Variants in SUCLG2 observed in about 807,000 individuals in gnomAD.
SUCLG2 encodes succinate--CoA ligase [GDP-forming] subunit beta, mitochondrial.
In SUCLG2, 42 loss-of-function variants were observed where a neutral mutation model predicts 47.9. That is an observed-to-expected ratio of 0.88 (90% CI 0.69 to 1.14). The LOEUF (loss-of-function observed/expected upper bound fraction) is 1.14, where lower values mean the gene tolerates loss of function less well. Among genes scored for constraint, SUCLG2 ranks in the 50% most tolerant of loss-of-function variants. SUCLG2 has a pLI of 0.00. For synonymous variants in SUCLG2, 195 were observed against 197.3 expected (o/e 0.99, Z 0.10); for missense variants, 571 against 525.9 (o/e 1.09, Z -0.84).
chr3:67,649,547 T>TGCA (rs138447649), intron 1 of SUCLG2, among the ~76,000 whole-genome samples: 1 of 151,714 alleles, frequency 6.6e-6, no homozygotes, highest in Admixed American at 6.6e-5. Flanking sequence ...ACTTCTGCTA[T>TGCA]CCACCTCTCC....
chr3:67,427,953 C>T (rs1037119467), intron 9 of SUCLG2, among the ~76,000 whole-genome samples: 13 of 152,168 alleles, frequency 8.5e-5, no homozygotes, highest in African/African-American at 2.2e-4. Flanking sequence ...AGTAGGTAAA[C>T]GAAGCAGCCA....
intron 9 of SUCLG2, among the ~76,000 whole-genome samples, chr3:67,459,098 A>T (rs1704261287): frequency 6.6e-6 from 1 of 152,022 alleles, no homozygotes; most frequent in Admixed American, 6.5e-5. Context: ...CCTGCCTCTG[A>T]TCTTGGTGAC....
chr3:67,553,843 T>G (rs563079948), intron 2 of SUCLG2, among the ~76,000 whole-genome samples: 3 of 152,332 alleles, frequency 2.0e-5, no homozygotes, highest in African/African-American at 7.2e-5. Flanking sequence ...AATATCTACT[T>G]TGTCAGTTAC....
chr3:67,462,839 G>C (rs1327107376), intron 9 of SUCLG2, among the ~76,000 whole-genome samples: 1 of 152,184 alleles, frequency 6.6e-6, no homozygotes, highest in Non-Finnish European at 1.5e-5. Context: ...CAACCTGTGG[G>C]ATCTGAGATT....
At position 67,645,735 on chromosome 3, in the gene SUCLG2, C is replaced by T. The variant is rs1199429261; in HGVS notation, c.84+8768G>A. On this transcript the variant is annotated intron_variant, in intron 1 of 10. Transcript: ENST00000307227. Reference sequence around the variant, plus strand: ...ATTCATAACTCTCCACTTTCTATTACTTATTAAAGGCCCACGTAAGCCCTC... The same window carrying T: ...ATTCATAACTCTCCACTTTCTATTATTTATTAAAGGCCCACGTAAGCCCTC... Among the ~76,000 whole-genome samples the T allele has an allele frequency of 2.0e-5, 3 of 151,862 alleles. No homozygotes were observed. In the East Asian group the frequency reaches 5.9e-4, roughly 30 times the overall value.
intron 10 of SUCLG2, among the ~76,000 whole-genome samples, chr3:67,376,918 C>G (rs182650875): frequency 6.6e-6 from 1 of 152,316 alleles, no homozygotes; most frequent in African/African-American, 2.4e-5. Context: ...TACCTAAAAT[C>G]TCCATGCTGG....
At chr3:67,625,651 T>C (rs914732928) in intron 1 of SUCLG2, among the ~76,000 whole-genome samples, 2 of 152,178 alleles carry the variant, frequency 1.3e-5, no homozygotes, top group South Asian at 2.1e-4. Context: ...ACATGAAAGC[T>C]ACTCACCTTC....
chr3:67,405,823 G>A (rs564851801), intron 9 of SUCLG2, among the ~76,000 whole-genome samples: 15 of 152,096 alleles, frequency 9.9e-5, no homozygotes, highest in Non-Finnish European at 1.9e-4. Flanking sequence ...CATAATTAAC[G>A]TTACTAAAGC....
intron 1 of SUCLG2, among the ~76,000 whole-genome samples, chr3:67,638,972 T>C (rs1318403470): frequency 6.6e-6 from 1 of 151,598 alleles, no homozygotes; most frequent in African/African-American, 2.4e-5. Flanking sequence ...TTTAAGAAAA[T>C]AAGAAAAAAA....
intron 9 of SUCLG2, among the ~76,000 whole-genome samples, chr3:67,418,385 A>G (rs1703081325): frequency 6.6e-6 from 1 of 152,142 alleles, no homozygotes; most frequent in Non-Finnish European, 1.5e-5. Flanking sequence ...AGGAAAACTG[A>G]GGCTCAGAAA....
At chr3:67,365,814 G>A (rs1288544007) in intron 10 of SUCLG2, among the ~76,000 whole-genome samples, 2 of 152,146 alleles carry the variant, frequency 1.3e-5, no homozygotes, top group East Asian at 3.9e-4. Flanking sequence ...CTTAAATGGA[G>A]CGGACTAGCA....
intron 9 of SUCLG2, among the ~76,000 whole-genome samples, chr3:67,473,100 TGAAAA>T (rs948445432): frequency 2.0e-5 from 3 of 152,288 alleles, no homozygotes; most frequent in African/African-American, 7.2e-5. Context: ...TATACAGAAA[TGAAAA>T]GAAAATACTG....
intron 9 of SUCLG2, among the ~76,000 whole-genome samples, chr3:67,465,475 G>A (rs1021681618): frequency 1.3e-5 from 2 of 152,176 alleles, no homozygotes; most frequent in Non-Finnish European, 2.9e-5. Context: ...CCTCCTCAGA[G>A]AATCCCTCTC....
At chr3:67,547,008 T>G (rs1706883994) in intron 2 of SUCLG2, among the ~76,000 whole-genome samples, 1 of 152,168 alleles carries the variant, frequency 6.6e-6, no homozygotes, top group Admixed American at 6.5e-5. Context: ...TGGCTAATGT[T>G]TTTTCTATAC....
intron 2 of SUCLG2, among the ~76,000 whole-genome samples, chr3:67,576,339 T>C (rs910145304): frequency 2.0e-5 from 3 of 152,272 alleles, no homozygotes; most frequent in South Asian, 2.1e-4. Flanking sequence ...ATGGTAGGAT[T>C]TGTATAAAGC....
At chr3:67,380,558 T>G (rs1702134737) in intron 10 of SUCLG2, among the ~76,000 whole-genome samples, 1 of 152,212 alleles carries the variant, frequency 6.6e-6, no homozygotes, top group Non-Finnish European at 1.5e-5. Flanking sequence ...ATACTAGGCA[T>G]GCTCAGAACT....
At chr3:67,595,419 A>T (rs149030921) in intron 2 of SUCLG2, among the ~76,000 whole-genome samples, 22 of 152,282 alleles carry the variant, frequency 1.4e-4, no homozygotes, top group African/African-American at 5.1e-4. Flanking sequence ...GGGAAGACAC[A>T]GAACGTCAGC....
intron 1 of SUCLG2, among the ~76,000 whole-genome samples, chr3:67,650,267 T>C (rs1374905648): frequency 2.6e-5 from 4 of 152,268 alleles, no homozygotes; most frequent in Non-Finnish European, 5.9e-5. Flanking sequence ...CCTTTAGTCC[T>C]TCACTTACAA....
chr3:67,593,978 A>AT (rs1708235361), intron 2 of SUCLG2, among the ~76,000 whole-genome samples: 1 of 152,208 alleles, frequency 6.6e-6, no homozygotes. Context: ...AGCTTGAAAC[A>AT]TACTTGCAGT....
Sources: gnomAD v4.1 joint callset for allele counts (sites outside exome capture counted in the v4.1 genomes callset) on GRCh38, gnomAD v4.1.1 for gene constraint, MANE v1.5 for transcripts, NCBI Gene and HGNC (gene_info 2026-07-23, HGNC 2026-07-21) for gene names.